Variants in ZC3H12B observed in about 807,000 individuals in gnomAD.
ZC3H12B encodes zinc finger CCCH-type containing 12B.
Under a neutral mutation model 43.9 loss-of-function variants are expected in ZC3H12B, and 7 were observed. That is an observed-to-expected ratio of 0.16 (90% confidence interval 0.09 to 0.30). The LOEUF (loss-of-function observed/expected upper bound fraction) is 0.30. Among genes scored for constraint, ZC3H12B ranks in the 10% least tolerant of loss-of-function variants. ZC3H12B has a pLI of 1.00. For synonymous variants in ZC3H12B, 222 were observed against 241.7 expected, an observed-to-expected ratio of 0.92 and a Z score of 0.76; for missense variants, 475 against 670.2, an observed-to-expected ratio of 0.71 and a Z score of 3.22.
chrX:65,274,461 C>CCCAG, the ZC3H12B span, among the ~76,000 whole-genome samples: 2 of 110,427 alleles, frequency 1.8e-5, no homozygotes, highest in African/African-American at 3.3e-5. Context: ...ATGTCACAAC[C>CCCAG]CCAGCTGTGT....
At chrX:65,102,508 CCTT>C in the ZC3H12B span, among the ~76,000 whole-genome samples, 102 of 111,861 alleles carry the variant, frequency 9.1e-4, no homozygotes, top group Non-Finnish European at 1.8e-3. Context: ...CCCAAATACT[CCTT>C]AAGCAGATAA....
the ZC3H12B span, among the ~76,000 whole-genome samples, chrX:65,118,265 A>C: frequency 9.0e-6 from 1 of 111,655 alleles, no homozygotes; most frequent in Non-Finnish European, 1.9e-5. Context: ...TTCTCCTTGA[A>C]GAGGTCCTTG....
the ZC3H12B span, among the ~76,000 whole-genome samples, chrX:65,077,983 T>C: frequency 8.9e-6 from 1 of 112,055 alleles, no homozygotes; most frequent in Non-Finnish European, 1.9e-5. Context: ...GTTCACAACA[T>C]CTTGTTCCAG....
the ZC3H12B span, among the ~76,000 whole-genome samples, chrX:65,329,796 G>A: frequency 9.0e-6 from 1 of 111,018 alleles, no homozygotes; most frequent in Non-Finnish European, 1.9e-5. Flanking sequence ...GCACCATTTA[G>A]TAATAGGGAA....
At chrX:65,434,241 G>A (rs1485886537) in intron 3 of ZC3H12B, among the ~76,000 whole-genome samples, 2 of 111,930 alleles carry the variant, frequency 1.8e-5, no homozygotes, top group South Asian at 3.7e-4. Context: ...AGGTTCTGGG[G>A]TTCCCCTCAC....
chrX:65,422,451 G>T (rs1286925730), intron 3 of ZC3H12B, among the ~76,000 whole-genome samples: 9 of 112,168 alleles, frequency 8.0e-5, no homozygotes, highest in Middle Eastern at 4.3e-3. Context: ...AATTGACAAA[G>T]GTGTGGACCT....
intron 2 of ZC3H12B, among the ~76,000 whole-genome samples, chrX:65,385,422 G>T (rs1222638577): frequency 9.0e-6 from 1 of 111,439 alleles, no homozygotes; most frequent in Non-Finnish European, 1.9e-5. Context: ...TTGTGAATGG[G>T]AGTTCACTCA....
chrX:65,167,474 C>T, the ZC3H12B span, among the ~76,000 whole-genome samples: 479 of 111,498 alleles, frequency 4.3e-3, no homozygotes, highest in Non-Finnish European at 6.6e-3. Flanking sequence ...AGTCAGGTAG[C>T]GTGATGCCTC....
chrX:65,461,279 G>A (rs966060428), intron 3 of ZC3H12B, among the ~76,000 whole-genome samples: 7 of 112,060 alleles, frequency 6.2e-5, no homozygotes, highest in Non-Finnish European at 1.1e-4. Flanking sequence ...TTCAACCATT[G>A]TGGAAGTCAG....
the ZC3H12B span, among the ~76,000 whole-genome samples, chrX:65,050,304 G>A: frequency 8.1e-5 from 9 of 110,836 alleles, no homozygotes; most frequent in African/African-American, 2.9e-4. Flanking sequence ...TATTTTTGTG[G>A]AGTCTTTAGG....
the ZC3H12B span, among the ~76,000 whole-genome samples, chrX:65,119,456 A>G: frequency 3.1e-4 from 35 of 111,822 alleles, no homozygotes; most frequent in Admixed American, 2.9e-3. Flanking sequence ...TTCTTTTGAG[A>G]AGTGTCCGTT....
chrX:65,246,155 A>G, the ZC3H12B span, among the ~76,000 whole-genome samples: 1 of 111,739 alleles, frequency 8.9e-6, no homozygotes, highest in Non-Finnish European at 1.9e-5. Flanking sequence ...ATGAACTTCC[A>G]TTCATAATTG....
the ZC3H12B span, among the ~76,000 whole-genome samples, chrX:65,183,894 T>G: frequency 9.0e-6 from 1 of 111,369 alleles, no homozygotes; most frequent in Non-Finnish European, 1.9e-5. Flanking sequence ...CCTGATGCCC[T>G]TTTTTATGTT....
chrX:65,438,891 C>T (rs896865887), intron 3 of ZC3H12B, among the ~76,000 whole-genome samples: 1 of 112,937 alleles, frequency 8.9e-6, no homozygotes, highest in Non-Finnish European at 1.9e-5. Flanking sequence ...GTATTTATGG[C>T]CAGTTTTGGG....
chrX:65,231,159 C>T, the ZC3H12B span, among the ~76,000 whole-genome samples: 9,118 of 110,271 alleles, frequency 0.083, 1,024 homozygotes, highest in African/African-American at 0.29. Flanking sequence ...ATGACAACCC[C>T]GAGCCACAAA....
the ZC3H12B span, among the ~76,000 whole-genome samples, chrX:65,035,929 C>T: frequency 8.9e-6 from 1 of 112,213 alleles, no homozygotes; most frequent in Non-Finnish European, 1.9e-5. Context: ...ATAGGGGAAA[C>T]TGGTTTTACA....
rs929589574 is a variant in ZC3H12B at position 65,404,614 on chromosome X, A to G, written n.407+5910A>G. ...ACTATAAGAAGAGACAAAGAAAGTT[A>G]CTATATAATGATAAAGGGGTAAATT... On this transcript the variant is annotated intron_variant and non_coding_transcript_variant, in intron 3 of 5. Coordinates refer to the ZC3H12B transcript ENST00000617377. 2.7e-5 allele frequency among the ~76,000 whole-genome samples: 3 copies of G among 112,049 alleles called. No individual in the cohort carries two copies. In the Admixed American group the frequency reaches 2.8e-4, roughly 11 times the overall value.
chrX:65,290,884 A>G, the ZC3H12B span, among the ~76,000 whole-genome samples: 2 of 110,924 alleles, frequency 1.8e-5, no homozygotes, highest in African/African-American at 6.5e-5. Context: ...GATGAAGAGA[A>G]GTGTGTTAAA....
exon 5 of ZC3H12B, chrX:65,502,797 G>A (rs1232803365): frequency 5.0e-6 from 6 of 1,206,290 alleles, no homozygotes; most frequent in African/African-American, 1.8e-5. Flanking sequence ...GTGATGACTC[G>A]GATGGATAGC....
Sources: allele counts gnomAD v4.1 joint callset (sites outside exome capture counted in the v4.1 genomes callset), GRCh38; gene constraint gnomAD v4.1.1; transcripts MANE v1.5; gene names NCBI Gene and HGNC (gene_info 2026-07-23, HGNC 2026-07-21).